PARD3: variants seen among roughly 807,000 people sequenced by gnomAD.
The protein encoded by PARD3 is par-3 family cell polarity regulator, also known as partitioning defective 3 homolog.
A neutral mutation model predicts 155.4 loss-of-function variants in PARD3; 75 were observed. That is an observed-to-expected ratio of 0.48 (90% CI 0.40 to 0.58). PARD3 has a LOEUF of 0.58. Among genes scored for constraint, PARD3 ranks in the 20% least tolerant of loss-of-function variants. The pLI is 0.00. For missense variants in PARD3, 1,642 were observed against 1,721.7 expected (o/e 0.95, Z 0.82); for synonymous variants, 576 against 610.5 (o/e 0.94, Z 0.83).
chr10:34,194,155 T>A (rs117594676), intron 22 of PARD3, among the ~76,000 whole-genome samples: 1,897 of 152,298 alleles, frequency 0.012, 11 homozygotes, highest in Middle Eastern at 0.024. Context: ...AGGTTACTGC[T>A]CTGAGCTTCA....
intron 14 of PARD3, among the ~76,000 whole-genome samples, chr10:34,354,143 CA>C (rs1049942276): frequency 3.7e-5 from 5 of 134,728 alleles, no homozygotes; most frequent in East Asian, 4.7e-4. Context: ...AAAAAAAAAA[CA>C]AAAAAAAAAC....
At position 34,341,631 on chromosome 10, in the gene PARD3, C is replaced by T. The variant is rs1836843998; in HGVS notation, c.2404G>A (p.Asp802Asn). 3.1e-6 allele frequency: 5 copies of T among 1,610,290 alleles called. No individual in the cohort carries two copies. Among genetic ancestry groups the T allele is most frequent in the Admixed American group, 1.7e-5 (1 of 59,436 alleles). ...AACCCTGGACGATGAGCTTACCAGT[C>T]GGCTGAATCACTGATTGCAGCCTTG... ...WAKAAISDSA[D>N]CSLSPDVDPV... Residue 802 changes from aspartate to asparagine, a missense_variant, in exon 16 of 25, where the codon GAC (aspartate) becomes AAC (asparagine). By Grantham distance (23) the Asp-to-Asn change is conservative. Coordinates refer to ENST00000374788, the MANE Select transcript of PARD3 (RefSeq NM_001184785.2).
chr10:34,362,870 A>G (rs188968850), intron 12 of PARD3, among the ~76,000 whole-genome samples: 9 of 152,376 alleles, frequency 5.9e-5, no homozygotes, highest in Admixed American at 5.2e-4. Context: ...AATATAAAGT[A>G]CGGTAAATTT....
intron 21 of PARD3, among the ~76,000 whole-genome samples, chr10:34,271,954 CA>C (rs1387875512): frequency 1.3e-5 from 2 of 152,160 alleles, no homozygotes; most frequent in African/African-American, 2.4e-5. Flanking sequence ...CCTAACGAAA[CA>C]AAACACACAG....
rs535348514 is a variant in PARD3 at position 34,189,620 on chromosome 10, T to C, written c.3420-58037A>G. ...CTGAGTAAGTATCTTTTAAATAGTCTGTTATGAGAAGGCAAGTACATGTTT... is the reference window on the plus strand; with the variant it reads ...CTGAGTAAGTATCTTTTAAATAGTCCGTTATGAGAAGGCAAGTACATGTTT... On this transcript the variant is annotated intron_variant, in intron 22 of 24. Transcript: ENST00000374788. 5.3e-5 allele frequency among the ~76,000 whole-genome samples: 8 copies of C among 152,326 alleles called. 1 individual carries two copies. The Middle Eastern group carries it at 0.014, about 259-fold the overall frequency.
At chr10:34,541,243 A>C (rs899155946) in intron 2 of PARD3, among the ~76,000 whole-genome samples, 6 of 152,240 alleles carry the variant, frequency 3.9e-5, no homozygotes, top group Admixed American at 3.3e-4. Flanking sequence ...GATATTTCAC[A>C]CATGGTATTT....
At chr10:34,561,427 T>G (rs1278184100) in intron 2 of PARD3, among the ~76,000 whole-genome samples, 14 of 152,236 alleles carry the variant, frequency 9.2e-5, no homozygotes, top group Non-Finnish European at 2.9e-5. Flanking sequence ...GTCATATTCA[T>G]TAAAACTGGG....
At chr10:34,322,014 C>T (rs190822427) in intron 19 of PARD3, among the ~76,000 whole-genome samples, 19 of 152,208 alleles carry the variant, frequency 1.2e-4, no homozygotes, top group Admixed American at 1.2e-3. Flanking sequence ...TTCTGTTGGC[C>T]GCTTATCCAA....
At chr10:34,448,401 A>G (rs935256102) in intron 5 of PARD3, among the ~76,000 whole-genome samples, 4 of 152,100 alleles carry the variant, frequency 2.6e-5, no homozygotes, top group African/African-American at 7.2e-5. Flanking sequence ...TGGAAAAAGG[A>G]AAAATATTGG....
intron 1 of PARD3, among the ~76,000 whole-genome samples, chr10:34,731,560 T>G (rs1029220193): frequency 3.3e-5 from 5 of 152,156 alleles, no homozygotes; most frequent in Admixed American, 2.6e-4. Context: ...GGTCGTAAAA[T>G]AAAAGTACTT....
At chr10:34,500,743 T>C (rs1387917894) in intron 3 of PARD3, among the ~76,000 whole-genome samples, 3 of 150,384 alleles carry the variant, frequency 2.0e-5, no homozygotes. Flanking sequence ...AAAAGTTACA[T>C]AAAATAACAT....
intron 2 of PARD3, among the ~76,000 whole-genome samples, chr10:34,608,801 T>C (rs1349598397): frequency 1.3e-5 from 2 of 152,142 alleles, no homozygotes; most frequent in Non-Finnish European, 2.9e-5. Flanking sequence ...CCCAAAGTGC[T>C]AGGATTACAG....
intron 14 of PARD3, among the ~76,000 whole-genome samples, chr10:34,350,888 AG>A (rs1429773383): frequency 6.6e-6 from 1 of 152,178 alleles, no homozygotes; most frequent in Non-Finnish European, 1.5e-5. Flanking sequence ...AGGAGTGTAA[AG>A]TGATACAGTC....
At chr10:34,545,090 G>A (rs2083936674) in intron 2 of PARD3, among the ~76,000 whole-genome samples, 1 of 152,154 alleles carries the variant, frequency 6.6e-6, no homozygotes, top group Admixed American at 6.5e-5. Flanking sequence ...CATGCATAAT[G>A]CTGTTCCCTC....
At chr10:34,718,350 G>T (rs1021003461) in intron 1 of PARD3, among the ~76,000 whole-genome samples, 2 of 151,926 alleles carry the variant, frequency 1.3e-5, no homozygotes, top group Admixed American at 1.3e-4. Context: ...TTAGGACAAA[G>T]GTGAGGAGGT....
chr10:34,291,587 G>C (rs1248517542), intron 20 of PARD3, among the ~76,000 whole-genome samples: 3 of 152,154 alleles, frequency 2.0e-5, no homozygotes, highest in Non-Finnish European at 2.9e-5. Context: ...GTAAGCACAG[G>C]GGCTTGAAGG....
chr10:34,797,978 C>A (rs981166066), intron 1 of PARD3, among the ~76,000 whole-genome samples: 3 of 152,082 alleles, frequency 2.0e-5, no homozygotes, highest in Admixed American at 1.3e-4. Context: ...CCAGCCTGGG[C>A]AACAGCACAA....
Position 34,109,610 on chromosome 10 carries a change from G to A in PARD3, c.*1559C>T, listed in dbSNP as rs893383545. On this transcript the variant is annotated 3_prime_UTR_variant, in exon 25 of 25. Transcript: ENST00000374788. ...TAGGAGTTGCATATGTACAGAGAAA[G>A]CTGTTTCTCACAGCTCAGGGGAGGC... 1.3e-5 allele frequency: 2 copies of A among 152,006 alleles called. No individual in the cohort carries two copies. The highest frequency in any genetic ancestry group is 4.2e-4 in the South Asian group (2 of 4,808). The allele number at this position is 152,006 out of a possible 1,614,324, so 9.4% of individuals were successfully genotyped here. A position where few individuals can be genotyped will look rare whatever the true frequency, so the allele number is the denominator to read the frequency against.
At chr10:34,803,070 G>GAAAAAAA (rs34342941) in intron 1 of PARD3, among the ~76,000 whole-genome samples, 14 of 102,622 alleles carry the variant, frequency 1.4e-4, no homozygotes, top group East Asian at 2.9e-4. Context: ...TACTAAAAAT[G>GAAAAAAA]AAAAAAAAAA....
Sources: allele counts gnomAD v4.1 joint callset (sites outside exome capture counted in the v4.1 genomes callset), GRCh38; gene constraint gnomAD v4.1.1; transcripts MANE v1.5; gene names NCBI Gene and HGNC (gene_info 2026-07-23, HGNC 2026-07-21).